SLC22A25: variants seen among roughly 807,000 people sequenced by gnomAD.
SLC22A25 encodes the protein solute carrier family 22 member 25.
Under a neutral mutation model 45.9 loss-of-function variants are expected in SLC22A25, and 44 were observed. The ratio of observed to expected loss-of-function variants is 0.96; its 90% CI spans 0.75 to 1.23. SLC22A25 has a LOEUF of 1.23. SLC22A25 is among the 50% of genes most tolerant of loss of function. The pLI is 0.00. For synonymous variants in SLC22A25, 283 were observed against 238.6 expected (o/e 1.19, Z -1.72); for missense variants, 800 against 666.4 (o/e 1.20, Z -2.21).
At chr11:63,173,884 G>T (rs1320906598) in intron 9 of SLC22A25, among the ~76,000 whole-genome samples, 1 of 147,432 alleles carries the variant, frequency 6.8e-6, no homozygotes, top group African/African-American at 2.5e-5. Flanking sequence ...GCTATTCAAG[G>T]TTGGATTTTC....
intron 3 of SLC22A25, among the ~76,000 whole-genome samples, chr11:63,233,032 T>C (rs901551857): frequency 2.6e-5 from 4 of 152,174 alleles, no homozygotes; most frequent in African/African-American, 9.6e-5. Context: ...TGGATTCGGT[T>C]TGCCAGTATT....
At chr11:63,219,041 A>T (rs2089789514) in intron 5 of SLC22A25, among the ~76,000 whole-genome samples, 1 of 152,252 alleles carries the variant, frequency 6.6e-6, no homozygotes, top group Admixed American at 6.5e-5. Context: ...AGTTGGAAGG[A>T]TGTAAGCTTA....
intron 7 of SLC22A25, among the ~76,000 whole-genome samples, chr11:63,186,005 C>A (rs1168802311): frequency 1.3e-5 from 2 of 151,968 alleles, no homozygotes; most frequent in Admixed American, 6.6e-5. Context: ...AATAAACATA[C>A]GTGTGCATGT....
At position 63,166,522 on chromosome 11, in the gene SLC22A25, T is replaced by C. The variant is rs959828613; in HGVS notation, c.1071-264A>G. The C allele has an allele frequency of 5.1e-6, 6 of 1,175,982 alleles. No homozygotes were observed. The Admixed American group carries it at 2.1e-4, about 42-fold the overall frequency. 72.8% of individuals were successfully genotyped at this position (1,175,982 alleles called of 1,614,324 possible). A position where few individuals can be genotyped will look rare whatever the true frequency, so the allele number is the denominator to read the frequency against. ...GTTTATTTATTTATTTTAAAAGCAA[T>C]GGATTTTATTAGTATTCTAAAACCA... is the stretch of plus-strand genomic sequence containing the variant. On this transcript the variant is annotated intron_variant, in intron 9 of 11. Coordinates refer to ENST00000306494, the MANE Select transcript of SLC22A25 (RefSeq NM_199352.6).
Position 63,163,136 on chromosome 11 carries a change from C to A in SLC22A25, c.*688G>T, listed in dbSNP as rs1016467514. Reference sequence around the variant, plus strand: ...TGTGTAAACCTTGTGAAGTAAAAAACCAAGCTCCCAGCCTAGGATCTGGGA... The same window carrying A: ...TGTGTAAACCTTGTGAAGTAAAAAAACAAGCTCCCAGCCTAGGATCTGGGA... On this transcript the variant is annotated 3_prime_UTR_variant, in exon 12 of 12. Coordinates refer to ENST00000306494, the MANE Select transcript of SLC22A25 (RefSeq NM_199352.6). 6.6e-6 allele frequency among the ~76,000 whole-genome samples: 1 copy of A among 152,176 alleles called. No homozygotes were observed. The highest frequency in any genetic ancestry group is 1.9e-4 in the East Asian group (1 of 5,200).
intron 11 of SLC22A25, among the ~76,000 whole-genome samples, chr11:63,164,298 C>T (rs1029078148): frequency 6.6e-6 from 1 of 152,172 alleles, no homozygotes; most frequent in Non-Finnish European, 1.5e-5. Flanking sequence ...TAACATCAAC[C>T]TTTCAGGTGG....
At chr11:63,217,065 T>C (rs1428760563) in intron 7 of SLC22A25, among the ~76,000 whole-genome samples, 6 of 152,246 alleles carry the variant, frequency 3.9e-5, no homozygotes, top group Non-Finnish European at 8.8e-5. Context: ...TTGAGTTTTA[T>C]TGCATCCCTT....
rs775834936 is a variant in SLC22A25, at chr11:63,163,987, C to T, written c.1481G>A (p.Arg494Gln). The T allele has an allele frequency of 1.1e-5, 17 of 1,613,602 alleles. No individual in the cohort carries two copies. Among genetic ancestry groups the T allele is most frequent in the Middle Eastern group, 1.6e-4 (1 of 6,078 alleles). ...SLMMILSIYSRPLPWIIYGVF... is the reference protein window; with the variant it reads ...SLMMILSIYSQPLPWIIYGVF... ...TCCATAGATGATCCAGGGCAGGGGT[C>T]GAGAATATATGCTTAGGATCATCAT... The change falls in exon 12 of 12, where the codon CGA becomes CAA. Residue 494 changes from arginine (R) to glutamine (Q), a missense_variant. By Grantham distance (43) the Arg-to-Gln change is conservative (BLOSUM62 1). Coordinates refer to ENST00000306494, the MANE Select transcript of SLC22A25 (RefSeq NM_199352.6).
At chr11:63,167,890 G>C (rs372738567) in intron 9 of SLC22A25, 1 of 342,440 alleles carries the variant, frequency 2.9e-6, no homozygotes, top group South Asian at 2.2e-5. Context: ...CCCAGCAGGG[G>C]TCAACAGACA....
rs573820411 is a variant in SLC22A25, at chr11:63,223,306, T to C, written c.506+5155A>G. ...ATTACAGCTTCAATCTCATTACTTG[T>C]TATTGGTCTGTTCTGGTTTTGGATT... On this transcript the variant is annotated intron_variant, in intron 5 of 11. Transcript: ENST00000306494. Among the ~76,000 whole-genome samples the C allele has an allele frequency of 4.9e-4, 74 of 152,230 alleles. 1 individual carries two copies. The South Asian group carries it at 0.015, about 31-fold the overall frequency.
rs1163824285 is a variant in SLC22A25 at position 63,158,804 on chromosome 11, A to G, written c.*5020T>C. ...TTAAAAATGAATTAAGTTATTATTG[A>G]CTATAGTCATCCTGTTGTGCTATCA... On this transcript the variant is annotated 3_prime_UTR_variant, in exon 12 of 12. Coordinates refer to ENST00000306494, the MANE Select transcript of SLC22A25 (RefSeq NM_199352.6). Among the ~76,000 whole-genome samples the G allele has an allele frequency of 6.6e-6, 1 of 152,158 alleles. No homozygotes were observed. Among genetic ancestry groups the G allele is most frequent in the Admixed American group, 6.5e-5 (1 of 15,272 alleles).
At position 63,230,741 on chromosome 11, in the gene SLC22A25, G is replaced by A. The variant is rs1025469320; in HGVS notation, c.-444-645C>T. On this transcript the variant is annotated intron_variant, in intron 3 of 11. Transcript: ENST00000306494. ...ATGTATACGTGTGCCATGTTGGTGC[G>A]CTGCACCCATTAACAAGTCATTTAC... Among the ~76,000 whole-genome samples the A allele has an allele frequency of 8.5e-5, 13 of 152,236 alleles. No homozygotes were observed. In the East Asian group the frequency reaches 1.2e-3, roughly 14 times the overall value.
chr11:63,205,171 G>A (rs760271337), intron 7 of SLC22A25, among the ~76,000 whole-genome samples: 3 of 152,136 alleles, frequency 2.0e-5, no homozygotes, highest in Non-Finnish European at 4.4e-5. Flanking sequence ...AGTGTTTAGA[G>A]GGAAATTTAT....
chr11:63,212,212 T>C (rs1194304522), intron 7 of SLC22A25, among the ~76,000 whole-genome samples: 1 of 103,710 alleles, frequency 9.6e-6, no homozygotes, highest in Non-Finnish European at 2.0e-5. Flanking sequence ...ACTTTTACAC[T>C]GTTGGTGGGA....
At chr11:63,212,433 A>G (rs947618295) in intron 7 of SLC22A25, among the ~76,000 whole-genome samples, 1 of 152,180 alleles carries the variant, frequency 6.6e-6, no homozygotes, top group Non-Finnish European at 1.5e-5. Context: ...TCCACCAATG[A>G]TAGACTGGAT....
rs1349558231 is a variant in SLC22A25 at position 63,233,919 on chromosome 11, T to G, written c.-444-3823A>C. ...CCCAGTAGTCATTCAGGAGCAGGTT[T>G]TTCAGTTTCCATGTAGTTGAGCAGT... On this transcript the variant is annotated intron_variant, in intron 3 of 11. Transcript: ENST00000306494. Among the ~76,000 whole-genome samples, 11 of 152,212 alleles carry G rather than the reference T, an allele frequency of 7.2e-5. No individual in the cohort carries two copies. The East Asian group carries it at 7.7e-4, about 11-fold the overall frequency.
chr11:63,185,230 G>A (rs1354917674), intron 7 of SLC22A25, among the ~76,000 whole-genome samples: 1 of 151,954 alleles, frequency 6.6e-6, no homozygotes, highest in Non-Finnish European at 1.5e-5. Context: ...TTGGTGTGCT[G>A]CACCCATTAA....
chr11:63,219,691 C>A (rs1427250854), intron 5 of SLC22A25, among the ~76,000 whole-genome samples: 1 of 152,086 alleles, frequency 6.6e-6, no homozygotes, highest in Non-Finnish European at 1.5e-5. Flanking sequence ...TGATAAAGCT[C>A]CAAATCCTTA....
At chr11:63,171,394 T>C (rs1279187958) in intron 9 of SLC22A25, among the ~76,000 whole-genome samples, 1 of 152,194 alleles carries the variant, frequency 6.6e-6, no homozygotes, top group African/African-American at 2.4e-5. Flanking sequence ...GACATGATTG[T>C]ATATTTAGAA....
Sources: allele counts gnomAD v4.1 joint callset (sites outside exome capture counted in the v4.1 genomes callset), GRCh38; gene constraint gnomAD v4.1.1; transcripts MANE v1.5; gene names NCBI Gene and HGNC (gene_info 2026-07-23, HGNC 2026-07-21).